TRPC3: variants seen among roughly 807,000 people sequenced by gnomAD.
TRPC3 encodes the protein short transient receptor potential channel 3.
Under a neutral mutation model 90.9 loss-of-function variants are expected in TRPC3, and 54 were observed. The ratio of observed to expected loss-of-function variants is 0.59; its 90% CI spans 0.48 to 0.75. The LOEUF is 0.75. TRPC3 is among the 30% of genes least tolerant of loss of function. The pLI, the probability that TRPC3 is intolerant of heterozygous loss-of-function variation, is 0.00. For synonymous variants in TRPC3, 424 were observed against 450.9 expected, an observed-to-expected ratio of 0.94 and a Z score of 0.75; for missense variants, 918 against 1,194.5, an observed-to-expected ratio of 0.77 and a Z score of 3.41.
chr4:121,945,195 T>C (rs781722514), intron 1 of TRPC3, among the ~76,000 whole-genome samples: 4 of 152,246 alleles, frequency 2.6e-5, no homozygotes, highest in African/African-American at 9.6e-5. Flanking sequence ...AGTAAGAATG[T>C]TCTTCCTTCT....
chr4:121,948,859 GT>G, intron 1 of TRPC3, among the ~76,000 whole-genome samples: 1 of 115,586 alleles, frequency 8.7e-6, no homozygotes, highest in South Asian at 3.0e-4. Context: ...TTGTTTTTTT[GT>G]TTTTGTTGTT....
chr4:121,935,210 T>G (rs1730089057), intron 1 of TRPC3, among the ~76,000 whole-genome samples: 1 of 152,202 alleles, frequency 6.6e-6, no homozygotes, highest in African/African-American at 2.4e-5. Context: ...ATTAAAAATT[T>G]TATTTTTAAT....
chr4:121,947,438 C>T (rs980832445), intron 1 of TRPC3, among the ~76,000 whole-genome samples: 1 of 152,016 alleles, frequency 6.6e-6, no homozygotes, highest in African/African-American at 2.4e-5. Context: ...ACACGCTAAG[C>T]CAAGACTGGA....
chr4:121,903,736 C>G (rs542923223), intron 8 of TRPC3, among the ~76,000 whole-genome samples: 1 of 152,286 alleles, frequency 6.6e-6, no homozygotes, highest in East Asian at 1.9e-4. Flanking sequence ...AGGACCAAAA[C>G]TTCTACTTTG....
chr4:121,900,543 T>C (rs915066571), intron 9 of TRPC3, among the ~76,000 whole-genome samples: 1 of 152,194 alleles, frequency 6.6e-6, no homozygotes, highest in Admixed American at 6.5e-5. Context: ...GAGAAAACCT[T>C]AGCTAACAAA....
At chr4:121,914,429 G>C (rs1057409530) in intron 4 of TRPC3, among the ~76,000 whole-genome samples, 5 of 152,142 alleles carry the variant, frequency 3.3e-5, no homozygotes, top group Non-Finnish European at 7.3e-5. Flanking sequence ...TCCATTCCCC[G>C]GTCTGTTCAC....
At chr4:121,899,229 A>T (rs1450945768) in intron 10 of TRPC3, among the ~76,000 whole-genome samples, 1 of 152,104 alleles carries the variant, frequency 6.6e-6, no homozygotes, top group Non-Finnish European at 1.5e-5. Flanking sequence ...TAGAGAAAAA[A>T]CAAGTTTTCC....
chr4:121,949,904 C>T (rs1380563409), intron 1 of TRPC3, among the ~76,000 whole-genome samples: 1 of 152,152 alleles, frequency 6.6e-6, no homozygotes, highest in Non-Finnish European at 1.5e-5. Flanking sequence ...GCCCTACTTT[C>T]TCAGATAAGA....
chr4:121,922,897 G>C (rs1729574380), intron 3 of TRPC3, among the ~76,000 whole-genome samples: 1 of 152,164 alleles, frequency 6.6e-6, no homozygotes, highest in South Asian at 2.1e-4. Context: ...TACTTTCCTT[G>C]AAAAGTTGTT....
rs376602809 is a variant in TRPC3, at chr4:121,884,819, T to G, written c.2548-2390A>C. ...GATTCATTCATTCAGCAAATATTTATTGAGAGCCAATTCTGTGGCAGGTAC... is the reference window on the plus strand; with the variant it reads ...GATTCATTCATTCAGCAAATATTTAGTGAGAGCCAATTCTGTGGCAGGTAC... On this transcript the variant is annotated intron_variant, in intron 10 of 11. Transcript: ENST00000379645. 2.8e-4 allele frequency among the ~76,000 whole-genome samples: 42 copies of G among 152,276 alleles called. No individual in the cohort carries two copies. In the South Asian group the frequency reaches 3.1e-3, roughly 11 times the overall value.
intron 10 of TRPC3, among the ~76,000 whole-genome samples, chr4:121,895,671 G>A (rs931439786): frequency 1.3e-5 from 2 of 151,794 alleles, no homozygotes. Context: ...CCAAAAACAG[G>A]TAACAAGATT....
At chr4:121,925,368 C>A (rs1729668040) in intron 2 of TRPC3, among the ~76,000 whole-genome samples, 162 bp from the exon 3 acceptor site, 1 of 151,978 alleles carries the variant, frequency 6.6e-6, no homozygotes, top group Non-Finnish European at 1.5e-5. Context: ...GGATTTGCAC[C>A]CACCCAACCC....
At chr4:121,940,154 C>T (rs987257045) in intron 1 of TRPC3, among the ~76,000 whole-genome samples, 5 of 152,118 alleles carry the variant, frequency 3.3e-5, no homozygotes, top group South Asian at 2.1e-4. Context: ...CCTTCCACAC[C>T]GGCTCAAGAC....
Position 121,951,715 on chromosome 4 carries a change from C to G in TRPC3, c.-35G>C. On this transcript the variant is annotated 5_prime_UTR_variant, in exon 1 of 12. Coordinates refer to ENST00000379645, the MANE Select transcript of TRPC3 (RefSeq NM_001130698.2). The surrounding 1 kb of genome is among the most constrained non-coding windows in gnomAD (Gnocchi z 4.4). ...TGCGGTCCGAGTGTGGGGGTGCCGGCTGCCGGCCTCCTCCGCCTTCGCGGC... is the reference window on the plus strand; with the variant it reads ...TGCGGTCCGAGTGTGGGGGTGCCGGGTGCCGGCCTCCTCCGCCTTCGCGGC... The G allele has an allele frequency of 7.7e-7, 1 of 1,290,482 alleles. No homozygotes were observed. Among genetic ancestry groups the G allele is most frequent in the African/African-American group, 1.5e-5 (1 of 64,600 alleles). The allele number at this position is 1,290,482 out of a possible 1,614,324, so 79.9% of individuals were successfully genotyped here.
intron 1 of TRPC3, among the ~76,000 whole-genome samples, chr4:121,940,282 A>G (rs946867589): frequency 3.3e-5 from 5 of 152,250 alleles, no homozygotes; most frequent in African/African-American, 1.2e-4. Context: ...TAATTTATTG[A>G]TTGCACTATT....
intron 10 of TRPC3, among the ~76,000 whole-genome samples, chr4:121,896,330 A>G (rs570913973): frequency 4.0e-4 from 61 of 152,254 alleles, no homozygotes; most frequent in African/African-American, 1.4e-3. Context: ...TAGGCAAGAG[A>G]AAGAAAGAAG....
At chr4:121,890,955 C>A (rs541344415) in intron 10 of TRPC3, among the ~76,000 whole-genome samples, 56 of 152,100 alleles carry the variant, frequency 3.7e-4, no homozygotes, top group Non-Finnish European at 6.9e-4. Flanking sequence ...CACGCCACTG[C>A]ACTCCAGCCT....
chr4:121,935,814 C>G (rs1730112797), intron 1 of TRPC3, among the ~76,000 whole-genome samples: 1 of 152,046 alleles, frequency 6.6e-6, no homozygotes, highest in Non-Finnish European at 1.5e-5. Context: ...TTGCTATCTA[C>G]AGGGAAAAAT....
chr4:121,918,767 T>C (rs2149131193), intron 3 of TRPC3, among the ~76,000 whole-genome samples: 1 of 152,336 alleles, frequency 6.6e-6, no homozygotes, highest in Non-Finnish European at 1.5e-5. Context: ...CCTCCAATGA[T>C]GTAAAATCCT....
Sources: allele counts gnomAD v4.1 joint callset (sites outside exome capture counted in the v4.1 genomes callset), GRCh38; gene constraint gnomAD v4.1.1; non-coding constraint Gnocchi (gnomAD v3.1); transcripts MANE v1.5; gene names NCBI Gene and HGNC (gene_info 2026-07-23, HGNC 2026-07-21).